Variants in RNF125 observed in about 807,000 individuals in gnomAD.
The protein encoded by RNF125 is E3 ubiquitin-protein ligase RNF125.
A neutral mutation model predicts 26.0 loss-of-function variants in RNF125; 21 were observed. The ratio of observed to expected loss-of-function variants is 0.81; its 90% CI spans 0.57 to 1.16. RNF125 has a LOEUF of 1.16. Among genes scored for constraint, RNF125 ranks in the 50% most tolerant of loss-of-function variants. The probability of loss-of-function intolerance (pLI) is 0.00; values close to 1 mark genes in which losing one functional copy is unlikely to be tolerated. For synonymous variants in RNF125, 95 were observed against 109.2 expected, an observed-to-expected ratio of 0.87 and a Z score of 0.81; for missense variants, 270 against 299.4, an observed-to-expected ratio of 0.90 and a Z score of 0.72.
chr18:32,020,112 A>G (rs1483839564), intron 1 of RNF125, among the ~76,000 whole-genome samples: 1 of 150,970 alleles, frequency 6.6e-6, no homozygotes, highest in Non-Finnish European at 1.5e-5. Context: ...GCTCACTGCA[A>G]CCTCCGCCCA....
chr18:32,029,250 C>G (rs1451894247), intron 1 of RNF125, among the ~76,000 whole-genome samples: 4 of 152,066 alleles, frequency 2.6e-5, no homozygotes, highest in Non-Finnish European at 4.4e-5. Context: ...GAAGGAAGAG[C>G]CTTCTCACTT....
chr18:32,046,681 G>A (rs1488808051), intron 4 of RNF125, among the ~76,000 whole-genome samples: 1 of 151,320 alleles, frequency 6.6e-6, no homozygotes, highest in East Asian at 1.9e-4. Flanking sequence ...TCATTAATGT[G>A]TCGTTTTATT....
intron 4 of RNF125, among the ~76,000 whole-genome samples, chr18:32,056,290 T>C (rs994902787): frequency 2.6e-5 from 4 of 151,980 alleles, no homozygotes; most frequent in African/African-American, 9.7e-5. Flanking sequence ...CCTACAAAGC[T>C]CTGAGAAAAT....
chr18:32,086,907 C>A, the RNF125 span, among the ~76,000 whole-genome samples: 1 of 152,162 alleles, frequency 6.6e-6, no homozygotes. Context: ...GTACCTCAGC[C>A]TCCCAAAGTG....
chr18:32,079,037 A>C, the RNF125 span, among the ~76,000 whole-genome samples: 1 of 152,196 alleles, frequency 6.6e-6, no homozygotes, highest in African/African-American at 2.4e-5. Flanking sequence ...TATATCTGAG[A>C]TCCATGAGAT....
At chr18:32,039,159 T>A (rs2039191730) in intron 2 of RNF125, among the ~76,000 whole-genome samples, 1 of 150,760 alleles carries the variant, frequency 6.6e-6, no homozygotes, top group Non-Finnish European at 1.5e-5. Context: ...CCCAGCACTT[T>A]GGGAGCCCGA....
At chr18:32,050,434 C>T (rs1178628245) in intron 4 of RNF125, among the ~76,000 whole-genome samples, 1 of 152,324 alleles carries the variant, frequency 6.6e-6, no homozygotes, top group East Asian at 1.9e-4. Flanking sequence ...ATCCTTACCT[C>T]AGCTTCCTGA....
rs200392437 is a variant in RNF125 at position 32,037,149 on chromosome 18, G to T, written c.198G>T (p.Lys66Asn). Reference sequence around the variant, plus strand: ...GTTCCTGTATTGCTACCAGTCTAAAGAACAACAAGTGGACCTGTCCTTATT... The same window carrying T: ...GTTCCTGTATTGCTACCAGTCTAAATAACAACAAGTGGACCTGTCCTTATT... ...FCRSCIATSL[K>N]NNKWTCPYCR... Residue 66 changes from lysine to asparagine, a missense_variant, in exon 2 of 6, where the codon AAG becomes AAT. By Grantham distance (94) the Lys-to-Asn change is moderately conservative. Coordinates refer to ENST00000217740, the MANE Select transcript of RNF125 (RefSeq NM_017831.4). 4.4e-6 allele frequency: 7 copies of T among 1,606,264 alleles called. No homozygotes were observed. The Admixed American group carries it at 1.2e-4, about 28-fold the overall frequency.
intron 1 of RNF125, among the ~76,000 whole-genome samples, chr18:32,020,170 C>G (rs2038973553): frequency 6.6e-6 from 1 of 151,984 alleles, no homozygotes; most frequent in Admixed American, 6.5e-5. Flanking sequence ...GCCTCAGCCT[C>G]CCGAGTTGCT....
At chr18:32,082,369 A>G in the RNF125 span, among the ~76,000 whole-genome samples, 1 of 152,098 alleles carries the variant, frequency 6.6e-6, no homozygotes, top group South Asian at 2.1e-4. Flanking sequence ...CATCATATAT[A>G]TTATATTTGT....
intron 3 of RNF125, among the ~76,000 whole-genome samples, chr18:32,043,953 A>C (rs889108873): frequency 3.3e-5 from 5 of 152,126 alleles, no homozygotes; most frequent in African/African-American, 1.2e-4. Flanking sequence ...TATTGTCCCT[A>C]AGAACTTAAG....
At chr18:32,047,273 T>G (rs1346526298) in intron 4 of RNF125, among the ~76,000 whole-genome samples, 1 of 152,140 alleles carries the variant, frequency 6.6e-6, no homozygotes, top group East Asian at 1.9e-4. Context: ...CTTCTGACCT[T>G]GTGGTTCGCC....
chr18:32,060,795 C>G (rs1476117377), intron 4 of RNF125, among the ~76,000 whole-genome samples: 1 of 152,120 alleles, frequency 6.6e-6, no homozygotes, highest in Non-Finnish European at 1.5e-5. Flanking sequence ...TTTGCAATGT[C>G]GTTTTGACAG....
chr18:32,038,397 C>G (rs1568197526), intron 2 of RNF125, among the ~76,000 whole-genome samples: 1 of 152,160 alleles, frequency 6.6e-6, no homozygotes, highest in African/African-American at 2.4e-5. Context: ...CCCTGAACTT[C>G]TACCATCACC....
chr18:32,066,066 C>G, intron 5 of RNF125, 57 bp downstream of exon 5: 1 of 1,111,602 alleles, frequency 9.0e-7, no homozygotes, highest in East Asian at 2.4e-5. Context: ...TTAAGCTTAC[C>G]TTTCCGATCC....
At chr18:32,057,393 G>T (rs1389817934) in intron 4 of RNF125, among the ~76,000 whole-genome samples, 1 of 150,732 alleles carries the variant, frequency 6.6e-6, no homozygotes, top group African/African-American at 2.4e-5. Context: ...GGAGTGTAGT[G>T]GCGCGATCTT....
At chr18:32,088,799 C>T in the RNF125 span, among the ~76,000 whole-genome samples, 1 of 152,186 alleles carries the variant, frequency 6.6e-6, no homozygotes, top group Non-Finnish European at 1.5e-5. Context: ...CACGCCTGGT[C>T]TTGACTGGAG....
intron 1 of RNF125, among the ~76,000 whole-genome samples, chr18:32,025,471 CTGCCCAACA>C (rs2039023980): frequency 6.6e-6 from 1 of 151,938 alleles, no homozygotes; most frequent in South Asian, 2.1e-4. Context: ...CGAGACCAGC[CTGCCCAACA>C]TGGCGAAACC....
intron 2 of RNF125, among the ~76,000 whole-genome samples, chr18:32,039,623 C>T (rs1293333253): frequency 6.6e-6 from 1 of 152,038 alleles, no homozygotes; most frequent in East Asian, 1.9e-4. Context: ...CAAAATCAAA[C>T]TCATTATATT....
Sources: allele counts gnomAD v4.1 joint callset (sites outside exome capture counted in the v4.1 genomes callset), GRCh38; gene constraint gnomAD v4.1.1; transcripts MANE v1.5; gene names NCBI Gene and HGNC (gene_info 2026-07-23, HGNC 2026-07-21).